The following HM13 variants were observed in gnomAD, a reference collection of about 807,000 sequenced individuals.
HM13 encodes the protein signal peptide peptidase.
Under a neutral mutation model 50.0 loss-of-function variants are expected in HM13, and 18 were observed. That is an observed-to-expected ratio of 0.36 (90% CI 0.25 to 0.53). HM13 has a LOEUF of 0.53. Among genes scored for constraint, HM13 ranks in the 20% least tolerant of loss-of-function variants. The probability of loss-of-function intolerance (pLI) is 0.90; values close to 1 mark genes in which losing one functional copy is unlikely to be tolerated. For synonymous variants in HM13, 197 were observed against 232.6 expected (o/e 0.85, Z 1.39); for missense variants, 393 against 552.4 (o/e 0.71, Z 2.89).
At chr20:31,515,564 C>A (rs73232400) in intron 1 of HM13, among the ~76,000 whole-genome samples, 3,931 of 152,154 alleles carry the variant, frequency 0.026, 178 homozygotes, top group African/African-American at 0.091. Flanking sequence ...TCTCCCCATA[C>A]CCCCAAGACA....
In HM13 at chr20:31,560,839, A is replaced by G. The variant is rs1984561445; in HGVS notation, c.846-795A>G. On this transcript the variant is annotated intron_variant, in intron 9 of 12. Coordinates refer to ENST00000398174, the MANE Select transcript of HM13 (RefSeq NM_178581.3). ...TCAAGGTACTTGCAGCCGAAGGCTTAGAAGCACCCAGGACAAGGAGAGAAG... is the reference window on the plus strand; with the variant it reads ...TCAAGGTACTTGCAGCCGAAGGCTTGGAAGCACCCAGGACAAGGAGAGAAG... Among the ~76,000 whole-genome samples the G allele has an allele frequency of 2.6e-5, 4 of 152,360 alleles. 1 individual carries two copies. In the South Asian group the frequency reaches 8.3e-4, roughly 32 times the overall value.
intron 9 of HM13, among the ~76,000 whole-genome samples, chr20:31,561,185 T>C (rs1431680480): frequency 6.6e-6 from 1 of 152,224 alleles, no homozygotes; most frequent in African/African-American, 2.4e-5. Context: ...TCTCAAAGCA[T>C]GATCCAACGG....
chr20:31,566,386 C>G, intron 11 of HM13, 91 bp downstream of exon 11: 2 of 1,029,802 alleles, frequency 1.9e-6, no homozygotes, highest in Non-Finnish European at 3.0e-6. Flanking sequence ...TTACACCTCT[C>G]CAGGGGAACA....
At chr20:31,516,000 C>G (rs1981750440) in intron 1 of HM13, among the ~76,000 whole-genome samples, 1 of 152,214 alleles carries the variant, frequency 6.6e-6, no homozygotes. Flanking sequence ...CATCTTCCTT[C>G]CCCAGGAGCA....
intron 2 of HM13, among the ~76,000 whole-genome samples, chr20:31,530,752 T>C (rs1205739080): frequency 6.6e-6 from 1 of 152,162 alleles, no homozygotes; most frequent in Non-Finnish European, 1.5e-5. Flanking sequence ...TGTTTTACAG[T>C]GTACCCTGAG....
intron 8 of HM13, among the ~76,000 whole-genome samples, chr20:31,558,165 C>G (rs1568797894): frequency 6.6e-6 from 1 of 152,148 alleles, no homozygotes; most frequent in Non-Finnish European, 1.5e-5. Context: ...CTTTCTTTTT[C>G]TTTTTTCTTT....
chr20:31,569,443 T>C lies in HM13; in HGVS notation c.*224T>C, dbSNP rs982819050. ...CCTGCAGGCAAAAGAAACCCCCAGC[T>C]TCCCCCCTCCCCGGGAGCCAGGTGG... On this transcript the variant is annotated 3_prime_UTR_variant, in exon 13 of 13. Transcript: ENST00000398174. 1.8e-4 allele frequency: 73 copies of C among 399,106 alleles called. 1 individual carries two copies. In the East Asian group the frequency reaches 2.7e-3, roughly 15 times the overall value. The allele number at this position is 399,106 out of a possible 1,614,324, so 24.7% of individuals were successfully genotyped here.
At chr20:31,515,897 G>T (rs1323047139) in intron 1 of HM13, among the ~76,000 whole-genome samples, 1 of 152,106 alleles carries the variant, frequency 6.6e-6, no homozygotes, top group Non-Finnish European at 1.5e-5. Flanking sequence ...CTTGCCCAAA[G>T]AGGGCAGGCC....
chr20:31,554,969 G>C (rs567829715), intron 8 of HM13, 140 bp downstream of exon 8: 10 of 751,300 alleles, frequency 1.3e-5, no homozygotes, highest in East Asian at 2.7e-5. Context: ...ATTGGTGAAG[G>C]GTTCCCCCTT....
chr20:31,564,488 G>A (rs1185501479), intron 10 of HM13, among the ~76,000 whole-genome samples: 1 of 151,890 alleles, frequency 6.6e-6, no homozygotes, highest in African/African-American at 2.4e-5. Flanking sequence ...GAGGCGAGAG[G>A]ATCACTTGAG....
chr20:31,517,070 G>A (rs1179275490), intron 1 of HM13, among the ~76,000 whole-genome samples: 1 of 152,062 alleles, frequency 6.6e-6, no homozygotes, highest in African/African-American at 2.4e-5. Context: ...GAAAGGACAG[G>A]GCAAATGACT....
At chr20:31,560,736 C>A (rs1029441117) in intron 9 of HM13, among the ~76,000 whole-genome samples, 2 of 152,248 alleles carry the variant, frequency 1.3e-5, no homozygotes, top group African/African-American at 4.8e-5. Flanking sequence ...ATAAGCAGCT[C>A]CTCAGCTGAT....
intron 8 of HM13, 147 bp from the exon 9 acceptor site, chr20:31,559,464 C>A: frequency 1.2e-6 from 1 of 812,400 alleles, no homozygotes; most frequent in Non-Finnish European, 2.1e-6. Flanking sequence ...GGACTTTCTG[C>A]TGTCACTTGA....
intron 4 of HM13, chr20:31,548,095 G>T (rs1983823625): frequency 2.5e-6 from 3 of 1,203,456 alleles, no homozygotes; most frequent in African/African-American, 3.0e-5. Flanking sequence ...GATATTGATT[G>T]TGTCGTATGT....
intron 9 of HM13, among the ~76,000 whole-genome samples, chr20:31,560,870 C>T (rs1218661221): frequency 6.6e-6 from 1 of 152,226 alleles, no homozygotes; most frequent in Non-Finnish European, 1.5e-5. Flanking sequence ...AGAAGGGGGT[C>T]AGAAGCACTC....
chr20:31,549,355 G>A (rs868443256), intron 6 of HM13, 23 bp downstream of exon 6: 1 of 1,613,882 alleles, frequency 6.2e-7, no homozygotes, highest in African/African-American at 1.3e-5. Flanking sequence ...GGGATGCCAA[G>A]GATGTCTGGC....
At chr20:31,521,864 T>A (rs987281407) in intron 1 of HM13, among the ~76,000 whole-genome samples, 1 of 150,498 alleles carries the variant, frequency 6.6e-6, no homozygotes, top group Non-Finnish European at 1.5e-5. Flanking sequence ...CTTTTTTTTT[T>A]TTTTTTTTTA....
At chr20:31,528,773 G>A (rs567046822) in intron 2 of HM13, among the ~76,000 whole-genome samples, 24 of 151,638 alleles carry the variant, frequency 1.6e-4, no homozygotes, top group African/African-American at 5.1e-4. Context: ...CACTGCACCC[G>A]GCCAACTTTT....
chr20:31,523,927 T>G (rs1982331706), intron 1 of HM13, among the ~76,000 whole-genome samples: 1 of 152,080 alleles, frequency 6.6e-6, no homozygotes, highest in African/African-American at 2.4e-5. Context: ...GGGTCTCCCT[T>G]CCAGCCCAGA....
Sources: gnomAD v4.1 joint callset for allele counts (sites outside exome capture counted in the v4.1 genomes callset) on GRCh38, gnomAD v4.1.1 for gene constraint, MANE v1.5 for transcripts, NCBI Gene and HGNC (gene_info 2026-07-23, HGNC 2026-07-21) for gene names.